The following C4BPA variants were observed in gnomAD, a reference collection of about 807,000 sequenced individuals.
The protein encoded by C4BPA is complement component 4 binding protein alpha.
Under a neutral mutation model 63.7 loss-of-function variants are expected in C4BPA, and 31 were observed. The ratio of observed to expected loss-of-function variants is 0.49; its 90% CI spans 0.37 to 0.66. The LOEUF is 0.66. Ranked by LOEUF, C4BPA falls within the 30% of genes least tolerant of loss-of-function variation. C4BPA has a pLI of 0.00. For synonymous variants in C4BPA, 259 were observed against 254.7 expected, an observed-to-expected ratio of 1.02 and a Z score of -0.16; for missense variants, 572 against 723.3, an observed-to-expected ratio of 0.79 and a Z score of 2.40.
At chr1:207,141,035 G>A (rs2102365932) in intron 9 of C4BPA, 71 bp from the exon 10 acceptor site, 2 of 1,213,554 alleles carry the variant, frequency 1.6e-6, no homozygotes, top group Non-Finnish European at 2.3e-6. Context: ...CAAACTACAT[G>A]TATTCTGCAA....
intron 9 of C4BPA, among the ~76,000 whole-genome samples, chr1:207,137,071 T>C (rs1358962252): frequency 6.6e-6 from 1 of 152,256 alleles, no homozygotes; most frequent in Non-Finnish European, 1.5e-5. Context: ...ATAAAATATC[T>C]TGCTTTGGCC....
intron 6 of C4BPA, among the ~76,000 whole-genome samples, chr1:207,124,601 C>T (rs892220373): frequency 1.3e-5 from 2 of 152,174 alleles, no homozygotes; most frequent in African/African-American, 2.4e-5. Flanking sequence ...CAAACAGCAA[C>T]AACATCTCAC....
intron 8 of C4BPA, among the ~76,000 whole-genome samples, 182 bp from the exon 9 acceptor site, chr1:207,134,222 A>T (rs561883451): frequency 2.0e-5 from 3 of 152,300 alleles, no homozygotes; most frequent in African/African-American, 7.2e-5. Flanking sequence ...AAATAACTGG[A>T]TTAGAGGACT....
At chr1:207,138,780 G>A (rs1357581470) in intron 9 of C4BPA, among the ~76,000 whole-genome samples, 1 of 152,198 alleles carries the variant, frequency 6.6e-6, no homozygotes, top group Non-Finnish European at 1.5e-5. Context: ...CTATTTAGGT[G>A]CTGTACTGCA....
At chr1:207,134,634 T>C in intron 9 of C4BPA, 42 bp downstream of exon 9, 1 of 1,400,496 alleles carries the variant, frequency 7.1e-7, no homozygotes, top group Non-Finnish European at 9.9e-7. Context: ...AGTTTCTTCA[T>C]ATCAGTGTGA....
chr1:207,114,485 C>CTTTTT (rs34895847), intron 3 of C4BPA, among the ~76,000 whole-genome samples, 200 bp downstream of exon 3: 2 of 59,550 alleles, frequency 3.4e-5, no homozygotes, highest in Non-Finnish European at 6.4e-5. Flanking sequence ...TAACTCTGTT[C>CTTTTT]TTTTTTTTTT....
At chr1:207,137,809 C>T (rs138766723) in intron 9 of C4BPA, among the ~76,000 whole-genome samples, 2,228 of 151,986 alleles carry the variant, frequency 0.015, 55 homozygotes, top group African/African-American at 0.051. Flanking sequence ...GTAGAGACAG[C>T]GTTTCACCAT....
chr1:207,123,633 C>T (rs189543344), intron 4 of C4BPA, among the ~76,000 whole-genome samples: 18 of 152,288 alleles, frequency 1.2e-4, no homozygotes, highest in Admixed American at 3.3e-4. Flanking sequence ...CCACAGAACA[C>T]GCTGAAGCCA....
At chr1:207,113,213 T>A in intron 2 of C4BPA, 46 bp downstream of exon 2, 1 of 1,590,024 alleles carries the variant, frequency 6.3e-7, no homozygotes, top group South Asian at 1.1e-5. Flanking sequence ...ACAATGAAGA[T>A]CATCTGTGCA....
chr1:207,114,636 G>T, intron 3 of C4BPA: 1 of 231,330 alleles, frequency 4.3e-6, no homozygotes, highest in South Asian at 5.5e-5. Context: ...TGGAATTACA[G>T]GCGTGCACCA....
At chr1:207,118,137 G>A (rs5003929) in intron 4 of C4BPA, among the ~76,000 whole-genome samples, 85,816 of 138,384 alleles carry the variant, frequency 0.62, 26,257 homozygotes, top group East Asian at 0.74. Flanking sequence ...TCATCTATCT[G>A]TCTGTCTGTC....
rs1477227815 is a variant in C4BPA, at chr1:207,113,243, A to G, written c.142+76A>G. 4.7e-6 allele frequency: 7 copies of G among 1,493,250 alleles called. No individual in the cohort carries two copies. In the East Asian group the frequency reaches 1.2e-4, roughly 25 times the overall value. The allele number at this position is 1,493,250 out of a possible 1,614,324, so 92.5% of individuals were successfully genotyped here. On this transcript the variant is annotated intron_variant, in intron 2 of 11. Transcript: ENST00000367070. ...TGTGCATTCACTTTTAAGGCTAAAA[A>G]AAATGATGACTGAGCTTCTAGCAGA...
intron 1 of C4BPA, among the ~76,000 whole-genome samples, chr1:207,110,808 A>AT (rs1468824057): frequency 6.6e-6 from 1 of 152,154 alleles, no homozygotes; most frequent in East Asian, 1.9e-4. Flanking sequence ...AGTCATGAAT[A>AT]TTTTTCTGAA....
chr1:207,105,543 G>A (rs1339590479), intron 1 of C4BPA, among the ~76,000 whole-genome samples: 1 of 138,508 alleles, frequency 7.2e-6, no homozygotes, highest in Non-Finnish European at 1.5e-5. Context: ...GGCAACAAGA[G>A]TGAAACTCCA....
Position 207,114,154 on chromosome 1 carries a change from T to G in C4BPA, c.197T>G (p.Leu66Trp). 1 of 1,613,848 alleles carries G rather than the reference T, an allele frequency of 6.2e-7. No individual in the cohort carries two copies. The highest frequency in any genetic ancestry group is 8.5e-7 in the Non-Finnish European group (1 of 1,179,818). Residue 66 changes from leucine to tryptophan, a missense_variant, in exon 3 of 12, where the codon TTG (leucine) becomes TGG (tryptophan). Around this residue, in one of 2 missense-constraint regions of C4BPA, gnomAD observed 107 missense variants for 93.9 expected, o/e 1.14. Coordinates refer to ENST00000367070, the MANE Select transcript of C4BPA (RefSeq NM_000715.4). ...TTTGCTGCCCCGATGGATATTACGT[T>G]GACTGAGACACGCTTCAAAACTGGA... is the stretch of plus-strand genomic sequence containing the variant. ...LSFAAPMDIT[L>W]TETRFKTGTT...
intron 8 of C4BPA, 113 bp from the exon 9 acceptor site, chr1:207,134,290 TC>T (rs1685231426): frequency 3.9e-6 from 3 of 769,128 alleles, no homozygotes; most frequent in Non-Finnish European, 2.2e-6. Flanking sequence ...CCTTTCTGTT[TC>T]CCCAATCTCT....
At chr1:207,108,120 A>G (rs1684595380) in intron 1 of C4BPA, among the ~76,000 whole-genome samples, 1 of 152,170 alleles carries the variant, frequency 6.6e-6, no homozygotes, top group African/African-American at 2.4e-5. Flanking sequence ...GGGAATTTTA[A>G]CTTAAATTAT....
At chr1:207,128,972 A>G (rs1438726504) in intron 7 of C4BPA, among the ~76,000 whole-genome samples, 1 of 152,214 alleles carries the variant, frequency 6.6e-6, no homozygotes, top group Admixed American at 6.5e-5. Context: ...TGGACTTAGC[A>G]GGAAAGTTCA....
chr1:207,127,030 T>C, intron 7 of C4BPA, 135 bp downstream of exon 7: 1 of 646,618 alleles, frequency 1.5e-6, no homozygotes. Flanking sequence ...TAATTTCCTT[T>C]ATTTTTTTCT....
Sources: allele counts gnomAD v4.1 joint callset (sites outside exome capture counted in the v4.1 genomes callset), GRCh38; gene constraint gnomAD v4.1.1; regional missense constraint gnomAD v4.1.1; transcripts MANE v1.5; gene names NCBI Gene and HGNC (gene_info 2026-07-23, HGNC 2026-07-21).